Variants in NOL10 observed in about 807,000 individuals in gnomAD.
NOL10 encodes H_NH0074G24.1.
Under a neutral mutation model 103.5 loss-of-function variants are expected in NOL10, and 58 were observed. The ratio of observed to expected loss-of-function variants is 0.56; its 90% confidence interval spans 0.45 to 0.70. The LOEUF (loss-of-function observed/expected upper bound fraction) is 0.70. Among genes scored for constraint, NOL10 ranks in the 30% least tolerant of loss-of-function variants. The pLI is 0.00. For missense variants in NOL10, 763 were observed against 807.3 expected (o/e 0.95, Z 0.67); for synonymous variants, 287 against 282.5 (o/e 1.02, Z -0.16).
intron 3 of NOL10, among the ~76,000 whole-genome samples, chr2:10,679,287 AG>A (rs1233773240): frequency 6.6e-6 from 1 of 151,330 alleles, no homozygotes; most frequent in African/African-American, 2.4e-5. Flanking sequence ...TGAACCCAGG[AG>A]GCAGAGGTTG....
chr2:10,620,328 GA>G (rs1160203759), intron 13 of NOL10, among the ~76,000 whole-genome samples: 2 of 151,870 alleles, frequency 1.3e-5, no homozygotes, highest in Non-Finnish European at 2.9e-5. Flanking sequence ...AAACTCGGCA[GA>G]AAAAAAGGAA....
At chr2:10,587,371 A>T (rs865808121) in intron 19 of NOL10, among the ~76,000 whole-genome samples, 2 of 146,942 alleles carry the variant, frequency 1.4e-5, no homozygotes, top group Non-Finnish European at 3.0e-5. Context: ...CCCGGGTCCA[A>T]GCAATTCTCC....
intron 19 of NOL10, 45 bp from the exon 20 acceptor site, chr2:10,577,783 T>TTAA (rs1674536063): frequency 4.7e-6 from 6 of 1,288,688 alleles, no homozygotes; most frequent in Non-Finnish European, 6.6e-6. Flanking sequence ...AAATTATGTT[T>TTAA]TAATTTACCA....
chr2:10,651,120 C>T (rs747391435), intron 12 of NOL10, among the ~76,000 whole-genome samples: 3 of 152,198 alleles, frequency 2.0e-5, no homozygotes, highest in Non-Finnish European at 4.4e-5. Flanking sequence ...CCACAAGAGT[C>T]CACCCTCCAG....
At chr2:10,598,708 T>A (rs1048899221) in intron 17 of NOL10, among the ~76,000 whole-genome samples, 9 of 152,150 alleles carry the variant, frequency 5.9e-5, no homozygotes, top group African/African-American at 2.2e-4. Flanking sequence ...AGTATGACAA[T>A]TTGCTGAGGC....
intron 4 of NOL10, among the ~76,000 whole-genome samples, chr2:10,673,807 T>C (rs16856564): frequency 0.11 from 17,468 of 152,126 alleles, 1,114 homozygotes; most frequent in South Asian, 0.23. Flanking sequence ...ATTCACAAAA[T>C]ATAATGACTT....
chr2:10,629,830 C>G (rs1374996159), intron 13 of NOL10, among the ~76,000 whole-genome samples: 1 of 152,238 alleles, frequency 6.6e-6, no homozygotes, highest in Non-Finnish European at 1.5e-5. Flanking sequence ...TTTTGCTCAA[C>G]ATGATATTCC....
intron 19 of NOL10, among the ~76,000 whole-genome samples, chr2:10,585,822 G>A (rs1455130237): frequency 1.3e-5 from 2 of 152,140 alleles, no homozygotes; most frequent in Non-Finnish European, 1.5e-5. Flanking sequence ...TTATACTATT[G>A]TTTAGGGAAT....
At chr2:10,640,086 G>A (rs1678599050) in intron 13 of NOL10, among the ~76,000 whole-genome samples, 2 of 152,144 alleles carry the variant, frequency 1.3e-5, no homozygotes, top group African/African-American at 4.8e-5. Flanking sequence ...GCCCCAAAGA[G>A]GGAGGGAAAA....
At chr2:10,653,228 C>T (rs1679599555) in intron 12 of NOL10, among the ~76,000 whole-genome samples, 1 of 151,924 alleles carries the variant, frequency 6.6e-6, no homozygotes, top group African/African-American at 2.4e-5. Context: ...TTTCTAAGCC[C>T]TTTCCATAGA....
At chr2:10,616,705 T>C (rs1039207266) in intron 13 of NOL10, among the ~76,000 whole-genome samples, 1 of 152,060 alleles carries the variant, frequency 6.6e-6, no homozygotes, top group African/African-American at 2.4e-5. Context: ...TGTGCCACCA[T>C]GCCCAGCTAA....
At chr2:10,669,677 A>C (rs1288406041) in intron 6 of NOL10, among the ~76,000 whole-genome samples, 2 of 150,826 alleles carry the variant, frequency 1.3e-5, no homozygotes, top group South Asian at 2.1e-4. Context: ...GCGGATCACG[A>C]GGTCAAGAGA....
intron 13 of NOL10, among the ~76,000 whole-genome samples, chr2:10,624,349 C>T (rs1209224637): frequency 6.6e-6 from 1 of 151,574 alleles, no homozygotes; most frequent in African/African-American, 2.4e-5. Context: ...GACCCTGTCT[C>T]AAAACAGAAA....
At chr2:10,638,483 CT>C (rs869294782) in intron 13 of NOL10, among the ~76,000 whole-genome samples, 68 of 77,770 alleles carry the variant, frequency 8.7e-4, no homozygotes, top group Middle Eastern at 0.011. Flanking sequence ...GCTGAATTCC[CT>C]TTTTTTTTTT....
intron 13 of NOL10, among the ~76,000 whole-genome samples, chr2:10,614,576 T>C (rs550641937): frequency 2.6e-5 from 4 of 152,344 alleles, no homozygotes; most frequent in Admixed American, 1.3e-4. Flanking sequence ...CACAAATTCA[T>C]ACCAGTGATT....
chr2:10,627,698 AC>A (rs531073317), intron 13 of NOL10, among the ~76,000 whole-genome samples: 5,110 of 145,090 alleles, frequency 0.035, 165 homozygotes, highest in African/African-American at 0.09. Context: ...AAACAAACAA[AC>A]AAAAAAAAAC....
At chr2:10,655,519 T>G (rs1558327359) in intron 11 of NOL10, among the ~76,000 whole-genome samples, 1 of 152,118 alleles carries the variant, frequency 6.6e-6, no homozygotes, top group Non-Finnish European at 1.5e-5. Context: ...TGGGGAAAAG[T>G]GTTTTATCTT....
At chr2:10,654,236 G>C (rs879899179) in intron 12 of NOL10, among the ~76,000 whole-genome samples, 2 of 152,112 alleles carry the variant, frequency 1.3e-5, no homozygotes, top group Non-Finnish European at 2.9e-5. Flanking sequence ...CTAATAGCTG[G>C]GCGGGCTGAG....
intron 17 of NOL10, among the ~76,000 whole-genome samples, chr2:10,594,958 C>G (rs1286863383): frequency 6.6e-6 from 1 of 152,132 alleles, no homozygotes; most frequent in Non-Finnish European, 1.5e-5. Flanking sequence ...GATTCTGCCA[C>G]TGTACTCCAG....
Sources: gnomAD v4.1 joint callset for allele counts (sites outside exome capture counted in the v4.1 genomes callset) on GRCh38, gnomAD v4.1.1 for gene constraint, MANE v1.5 for transcripts, NCBI Gene and HGNC (gene_info 2026-07-23, HGNC 2026-07-21) for gene names.